Variants in RALGPS2 observed in about 807,000 individuals in gnomAD.
RALGPS2 encodes Ral GEF with PH domain and SH3 binding motif 2.
A neutral mutation model predicts 86.8 loss-of-function variants in RALGPS2; 43 were observed. The ratio of observed to expected loss-of-function variants is 0.50; its 90% CI spans 0.39 to 0.64. The LOEUF is 0.64. RALGPS2 is among the 30% of genes least tolerant of loss of function. The pLI is 0.00. For missense variants in RALGPS2, 536 were observed against 694.6 expected, an observed-to-expected ratio of 0.77 and a Z score of 2.57; for synonymous variants, 243 against 231.3, an observed-to-expected ratio of 1.05 and a Z score of -0.46.
intron 8 of RALGPS2, chr1:178,864,932 T>C (rs1175507355): frequency 7.1e-7 from 1 of 1,403,616 alleles, no homozygotes; most frequent in Middle Eastern, 1.9e-4. Flanking sequence ...ACTCCCACTT[T>C]TTACAGTAAG....
At chr1:178,736,647 C>T (rs902042335) in intron 1 of RALGPS2, among the ~76,000 whole-genome samples, 3 of 152,046 alleles carry the variant, frequency 2.0e-5, no homozygotes, top group African/African-American at 7.2e-5. Flanking sequence ...CCTGTAATCT[C>T]AGCACTTTGG....
chr1:178,744,685 C>CA (rs1651212690), intron 1 of RALGPS2, among the ~76,000 whole-genome samples: 1 of 151,838 alleles, frequency 6.6e-6, no homozygotes, highest in African/African-American at 2.4e-5. Flanking sequence ...GGCATGGTGG[C>CA]AGCTGCCTGT....
chr1:178,835,822 G>A (rs541689654), intron 8 of RALGPS2, among the ~76,000 whole-genome samples: 1 of 152,218 alleles, frequency 6.6e-6, no homozygotes, highest in South Asian at 2.1e-4. Context: ...AACCTAGAGA[G>A]CTCCAATTAT....
intron 2 of RALGPS2, among the ~76,000 whole-genome samples, chr1:178,779,269 A>G (rs1452020035): frequency 6.6e-6 from 1 of 152,060 alleles, no homozygotes; most frequent in Admixed American, 6.5e-5. Context: ...TTTTGCCCCA[A>G]CTTTTTTATT....
intron 7 of RALGPS2, among the ~76,000 whole-genome samples, chr1:178,824,641 T>C (rs1341089237): frequency 6.6e-6 from 1 of 152,078 alleles, no homozygotes; most frequent in Non-Finnish European, 1.5e-5. Context: ...ACCCCGTCTC[T>C]ACTAAAAATA....
intron 8 of RALGPS2, among the ~76,000 whole-genome samples, chr1:178,846,832 A>T (rs1048441820): frequency 6.6e-6 from 1 of 152,204 alleles, no homozygotes; most frequent in African/African-American, 2.4e-5. Flanking sequence ...CTTTAGCAGG[A>T]AAGTAATAAT....
chr1:178,749,443 C>T (rs181038587), intron 1 of RALGPS2, among the ~76,000 whole-genome samples: 2 of 152,278 alleles, frequency 1.3e-5, no homozygotes, highest in East Asian at 3.9e-4. Flanking sequence ...CCTGGTTTTT[C>T]AGCAGTTTAC....
intron 1 of RALGPS2, among the ~76,000 whole-genome samples, chr1:178,734,095 A>G (rs1001600118): frequency 1.3e-5 from 2 of 152,254 alleles, no homozygotes; most frequent in African/African-American, 2.4e-5. Context: ...CAAGTGGCCA[A>G]TAAGCACATG....
At chr1:178,915,104 A>C (rs1169162771) in intron 19 of RALGPS2, among the ~76,000 whole-genome samples, 7 of 152,260 alleles carry the variant, frequency 4.6e-5, no homozygotes, top group Admixed American at 4.6e-4. Flanking sequence ...CAAGAATTAG[A>C]ATAGTGGCAA....
At chr1:178,808,347 A>T (rs944897259) in intron 5 of RALGPS2, among the ~76,000 whole-genome samples, 2 of 151,514 alleles carry the variant, frequency 1.3e-5, no homozygotes, top group African/African-American at 4.9e-5. Context: ...AACCTTACAT[A>T]TTTTCTCTCT....
At chr1:178,845,987 C>A (rs141363150) in intron 8 of RALGPS2, among the ~76,000 whole-genome samples, 1 of 152,090 alleles carries the variant, frequency 6.6e-6, no homozygotes, top group Non-Finnish European at 1.5e-5. Flanking sequence ...AAGAATCTTA[C>A]CGATTTGGTT....
At chr1:178,896,588 A>G (rs1659950230) in intron 16 of RALGPS2, among the ~76,000 whole-genome samples, 1 of 149,360 alleles carries the variant, frequency 6.7e-6, no homozygotes, top group African/African-American at 2.5e-5. Context: ...ATCTAGCATT[A>G]GGTATATCTC....
intron 1 of RALGPS2, among the ~76,000 whole-genome samples, chr1:178,758,897 G>GC (rs1329523393): frequency 1.7e-4 from 26 of 152,024 alleles, no homozygotes; most frequent in African/African-American, 6.3e-4. Flanking sequence ...CAGATCTTTT[G>GC]CCCATTTAAA....
chr1:178,833,701 T>C, intron 8 of RALGPS2, 151 bp downstream of exon 8: 12 of 1,316,856 alleles, frequency 9.1e-6, no homozygotes, highest in African/African-American at 1.6e-5. Context: ...CTAAAGATAG[T>C]TGTTACCCTG....
chr1:178,856,204 T>TAG (rs1657548310), intron 8 of RALGPS2, among the ~76,000 whole-genome samples: 1 of 15,836 alleles, frequency 6.3e-5, no homozygotes, highest in African/African-American at 1.5e-4. Context: ...GAGAGAGAGA[T>TAG]ATATATATAT....
At chr1:178,849,185 C>T (rs1572397295) in intron 8 of RALGPS2, among the ~76,000 whole-genome samples, 1 of 152,160 alleles carries the variant, frequency 6.6e-6, no homozygotes, top group Admixed American at 6.5e-5. Flanking sequence ...ATAAATTGCT[C>T]AAGGTAACAC....
At chr1:178,897,211 G>T (rs983688057) in intron 16 of RALGPS2, among the ~76,000 whole-genome samples, 1 of 151,960 alleles carries the variant, frequency 6.6e-6, no homozygotes, top group Non-Finnish European at 1.5e-5. Context: ...GGCCATCAGA[G>T]AAATGCAAAT....
At chr1:178,878,804 T>G in intron 9 of RALGPS2, 98 bp from the exon 10 acceptor site, 4 of 1,503,386 alleles carry the variant, frequency 2.7e-6, no homozygotes, top group Middle Eastern at 4.6e-4. Flanking sequence ...TTTGCTGCCA[T>G]GTGGCCTTAA....
At chr1:178,826,082 C>T (rs1172112717) in intron 7 of RALGPS2, among the ~76,000 whole-genome samples, 4 of 152,094 alleles carry the variant, frequency 2.6e-5, no homozygotes, top group Non-Finnish European at 5.9e-5. Flanking sequence ...CAGGAGGATA[C>T]AGTTGGAAAG....
Sources: allele counts gnomAD v4.1 joint callset (sites outside exome capture counted in the v4.1 genomes callset), GRCh38; gene constraint gnomAD v4.1.1; transcripts MANE v1.5; gene names NCBI Gene and HGNC (gene_info 2026-07-23, HGNC 2026-07-21).